Variants in AGFG2 observed in about 807,000 individuals in gnomAD.
AGFG2 encodes ArfGAP with FG repeats 2.
In AGFG2, 31 loss-of-function variants were observed where a neutral mutation model predicts 48.0. The ratio of observed to expected loss-of-function variants is 0.65; its 90% CI spans 0.49 to 0.87. The LOEUF (loss-of-function observed/expected upper bound fraction) is 0.87. AGFG2 is among the 40% of genes least tolerant of loss of function. The pLI is 0.00. For synonymous variants in AGFG2, 229 were observed against 260.8 expected (o/e 0.88, Z 1.18); for missense variants, 599 against 632.6 (o/e 0.95, Z 0.57).
At chr7:100,557,306 A>T (rs1800779911) in intron 6 of AGFG2, among the ~76,000 whole-genome samples, 1 of 152,228 alleles carries the variant, frequency 6.6e-6, no homozygotes, top group African/African-American at 2.4e-5. Context: ...TATTAGACAC[A>T]ATCAGAATTT....
At position 100,562,600 on chromosome 7, in the gene AGFG2, C is replaced by T. The variant is rs201822895; in HGVS notation, c.1005C>T (p.Phe335=). 112 of 1,613,128 alleles carry T rather than the reference C, an allele frequency of 6.9e-5. No homozygotes were observed. Among genetic ancestry groups the T allele is most frequent in the Admixed American group, 1.0e-4 (6 of 59,984 alleles). Residue 335 remains phenylalanine, a synonymous_variant, in exon 8 of 12, where the codon TTC becomes TTT. Transcript: ENST00000300176. This position sits in a 1 kb window ranked among gnomAD's most constrained non-coding sequence, Gnocchi z 5.4. ...CTCTCTCCCCGTGTTGTAGCCTCTT[C>T]GGGATGGCTGGCCAGGTCCCCCCGC... The part of the protein sequence containing the change: ...VPAAGVPSSL[F]GMAGQVPPLQ...
At chr7:100,543,208 G>A (rs1419563393) in intron 1 of AGFG2, among the ~76,000 whole-genome samples, 1 of 152,038 alleles carries the variant, frequency 6.6e-6, no homozygotes, top group Admixed American at 6.6e-5. Context: ...GGGATTACAT[G>A]TGCACACCAC....
intron 1 of AGFG2, 75 bp from the exon 2 acceptor site, chr7:100,548,747 C>A: frequency 1.8e-6 from 2 of 1,135,410 alleles, no homozygotes; most frequent in Non-Finnish European, 2.7e-6. Flanking sequence ...TTTCTCCCTC[C>A]TCCTCCTCCT....
intron 1 of AGFG2, among the ~76,000 whole-genome samples, chr7:100,546,432 T>G (rs1800512299): frequency 6.6e-6 from 1 of 152,226 alleles, no homozygotes; most frequent in Non-Finnish European, 1.5e-5. Flanking sequence ...TTTCTCTTCC[T>G]TCCGCAACTG....
chr7:100,550,215 G>A (rs550548943), intron 2 of AGFG2, among the ~76,000 whole-genome samples, 181 bp from the exon 3 acceptor site: 2 of 150,074 alleles, frequency 1.3e-5, no homozygotes, highest in African/African-American at 2.4e-5. Flanking sequence ...ACTGAGGCAG[G>A]AGAATTGCTT....
intron 6 of AGFG2, among the ~76,000 whole-genome samples, chr7:100,561,307 A>G (rs1229555651): frequency 6.6e-6 from 1 of 152,032 alleles, no homozygotes; most frequent in Non-Finnish European, 1.5e-5. Context: ...TTGTATTTTT[A>G]GTAGAGACAG....
At chr7:100,548,142 G>A (rs1408658792) in intron 1 of AGFG2, among the ~76,000 whole-genome samples, 1 of 152,102 alleles carries the variant, frequency 6.6e-6, no homozygotes, top group Non-Finnish European at 1.5e-5. Context: ...GTTCCCAGAA[G>A]TACCCCCCTC....
At chr7:100,549,703 A>G (rs1800586587) in intron 2 of AGFG2, among the ~76,000 whole-genome samples, 1 of 152,010 alleles carries the variant, frequency 6.6e-6, no homozygotes, top group Non-Finnish European at 1.5e-5. Context: ...TTATTTATTT[A>G]TCAGAGACAA....
chr7:100,546,164 C>T (rs577914230), intron 1 of AGFG2, among the ~76,000 whole-genome samples: 12 of 148,786 alleles, frequency 8.1e-5, no homozygotes, highest in African/African-American at 3.0e-4. Flanking sequence ...TCTGCCGCCC[C>T]CCCCGCCCGC....
chr7:100,564,302 T>A lies in AGFG2; in HGVS notation c.1385T>A (p.Met462Lys), dbSNP rs780354104. The part of the protein sequence containing the change: ...QPAGISTNPF[M>K]TGPSSSPFAS... The stretch of plus-strand genomic sequence containing the variant: ...GCTGGGATCTCCACCAACCCCTTCA[T>A]GGTGAGTGTGCCAGCAGGGGTGCTG... The change falls in exon 11 of 12, where the codon ATG becomes AAG. Residue 462 changes from methionine to lysine, a missense_variant and splice_region_variant. Coordinates refer to ENST00000300176, the MANE Select transcript of AGFG2 (RefSeq NM_006076.5). 12 of 1,613,088 alleles carry A rather than the reference T, an allele frequency of 7.4e-6. No individual in the cohort carries two copies. The highest frequency in any genetic ancestry group is 8.5e-6 in the Non-Finnish European group (10 of 1,179,588).
intron 11 of AGFG2, 145 bp from the exon 12 acceptor site, chr7:100,564,787 A>C: frequency 1.9e-5 from 17 of 891,602 alleles, no homozygotes; most frequent in Non-Finnish European, 3.1e-5. Flanking sequence ...TACAGGCATG[A>C]GCTACCGTGC....
At position 100,562,533 on chromosome 7, in the gene AGFG2, C is replaced by G; in HGVS notation, c.999-61C>G. 5 of 1,611,554 alleles carry G rather than the reference C, an allele frequency of 3.1e-6. No homozygotes were observed. Among genetic ancestry groups the G allele is most frequent in the South Asian group, 1.1e-5 (1 of 90,816 alleles). ...AGAGCAGGGTTGGCATCTCCTGGCC[C>G]CTTGCTCAGGTTTGATTGGCCCTGG... On this transcript the variant is annotated intron_variant, in intron 7 of 11. Transcript: ENST00000300176. The surrounding 1 kb of genome is among the most constrained non-coding windows in gnomAD (Gnocchi z 5.4).
rs373325102 is a variant in AGFG2, at chr7:100,565,810, G to T, written c.*819G>T. On this transcript the variant is annotated 3_prime_UTR_variant, in exon 12 of 12. Transcript: ENST00000300176. Reference sequence around the variant, plus strand: ...AAAGCCGGAGCTCCAGGGCTGGAGGGGGGGCAGCCATGTGTCCTGACCCCC... The same window carrying T: ...AAAGCCGGAGCTCCAGGGCTGGAGGTGGGGCAGCCATGTGTCCTGACCCCC... 8 of 152,326 alleles carry T rather than the reference G, an allele frequency of 5.3e-5. No individual in the cohort carries two copies. The highest frequency in any genetic ancestry group is 7.3e-5 in the Non-Finnish European group (5 of 68,028). The allele number at this position is 152,326 out of a possible 1,614,324, so 9.4% of individuals were successfully genotyped here.
intron 10 of AGFG2, 110 bp from the exon 11 acceptor site, chr7:100,564,108 T>A (rs1048122891): frequency 2.0e-6 from 3 of 1,523,496 alleles, no homozygotes; most frequent in Non-Finnish European, 2.7e-6. Flanking sequence ...CCCGCCCGGG[T>A]ACTTCCACTG....
intron 1 of AGFG2, among the ~76,000 whole-genome samples, chr7:100,547,349 T>G (rs1800532359): frequency 6.6e-6 from 1 of 152,134 alleles, no homozygotes; most frequent in Non-Finnish European, 1.5e-5. Context: ...TTGCGCTTCC[T>G]GAGGATGTCA....
At chr7:100,564,637 G>C (rs1296777332) in intron 11 of AGFG2, among the ~76,000 whole-genome samples, 1 of 151,798 alleles carries the variant, frequency 6.6e-6, no homozygotes, top group Non-Finnish European at 1.5e-5. Flanking sequence ...CCAAGTAGCA[G>C]GGACTACAGG....
At position 100,550,453 on chromosome 7, in the gene AGFG2, T is replaced by G; in HGVS notation, c.373T>G (p.Ser125Ala). ...TGCTCGGACATCTTTAGTACCAGAT[T>G]CCAGGGATCCTCAGAAAGTGAAGGA... ...FDARTSLVPDSRDPQKVKEFL... is the reference protein window; with the variant it reads ...FDARTSLVPDARDPQKVKEFL... The change falls in exon 3 of 12, where the codon TCC becomes GCC. Residue 125 changes from serine (S) to alanine (A), a missense_variant. Transcript: ENST00000300176. The G allele has an allele frequency of 6.2e-7, 1 of 1,614,160 alleles. No individual in the cohort carries two copies. Among genetic ancestry groups the G allele is most frequent in the Non-Finnish European group, 8.5e-7 (1 of 1,180,010 alleles).
At position 100,555,984 on chromosome 7, in the gene AGFG2, A is replaced by T. The variant is rs1265003274; in HGVS notation, c.877+249A>T. On this transcript the variant is annotated intron_variant, in intron 6 of 11. Coordinates refer to ENST00000300176, the MANE Select transcript of AGFG2 (RefSeq NM_006076.5). ...GCAGGAGCTGTGTGGGTTATACACT[A>T]GGAAACTTTTCACTAGGAAGTATGG... The T allele has an allele frequency of 2.7e-5, 11 of 401,136 alleles. No homozygotes were observed. The Admixed American group carries it at 4.1e-4, about 15-fold the overall frequency. 24.8% of individuals were successfully genotyped at this position (401,136 alleles called of 1,614,324 possible).
chr7:100,560,106 A>C (rs1428914765), intron 6 of AGFG2, among the ~76,000 whole-genome samples: 1 of 151,900 alleles, frequency 6.6e-6, no homozygotes. Context: ...AATTCCACAT[A>C]CTGTACTTGG....
Sources: allele counts gnomAD v4.1 joint callset (sites outside exome capture counted in the v4.1 genomes callset), GRCh38; gene constraint gnomAD v4.1.1; non-coding constraint Gnocchi (gnomAD v3.1); transcripts MANE v1.5; gene names NCBI Gene and HGNC (gene_info 2026-07-23, HGNC 2026-07-21).